Variants in MAL observed in about 807,000 individuals in gnomAD.
MAL encodes mal, T cell differentiation protein (MAL blood group), also known as myelin and lymphocyte protein.
In MAL, 5 loss-of-function variants were observed where a neutral mutation model predicts 16.7. The ratio of observed to expected loss-of-function variants is 0.30; its 90% CI spans 0.16 to 0.63. The LOEUF (loss-of-function observed/expected upper bound fraction) is 0.63. Ranked by LOEUF, MAL falls within the 30% of genes least tolerant of loss-of-function variation. The pLI, the probability that MAL is intolerant of heterozygous loss-of-function variation, is 0.82. For synonymous variants in MAL, 96 were observed against 85.5 expected, an observed-to-expected ratio of 1.12 and a Z score of -0.67; for missense variants, 202 against 195.8, an observed-to-expected ratio of 1.03 and a Z score of -0.19.
intron 1 of MAL, among the ~76,000 whole-genome samples, chr2:95,035,770 C>T (rs932875969): frequency 4.0e-5 from 6 of 151,392 alleles, no homozygotes; most frequent in Admixed American, 1.3e-4. Context: ...CCTGGGCTCA[C>T]GCCATTCTCC....
At chr2:95,039,990 C>G (rs1301069796) in intron 1 of MAL, among the ~76,000 whole-genome samples, 3 of 152,224 alleles carry the variant, frequency 2.0e-5, no homozygotes, top group Middle Eastern at 3.4e-3. Context: ...TTCCCCTGAC[C>G]TCCTGCTCTG....
intron 1 of MAL, among the ~76,000 whole-genome samples, chr2:95,046,969 G>A (rs573859473): frequency 5.5e-5 from 8 of 145,530 alleles, no homozygotes; most frequent in African/African-American, 1.8e-4. Context: ...AAGAAAGAAA[G>A]AAGAAAGAAA....
intron 1 of MAL, among the ~76,000 whole-genome samples, chr2:95,044,835 G>A (rs907176582): frequency 5.9e-5 from 9 of 152,212 alleles, no homozygotes; most frequent in Non-Finnish European, 7.3e-5. Flanking sequence ...GTGCACACAG[G>A]AGGCTGTGAC....
chr2:95,027,989 T>G (rs1673984546), intron 1 of MAL, among the ~76,000 whole-genome samples: 2 of 152,038 alleles, frequency 1.3e-5, no homozygotes, highest in Non-Finnish European at 2.9e-5. Context: ...CTTAACATCA[T>G]CAGGCATTAG....
At chr2:95,036,640 A>T (rs1367024145) in intron 1 of MAL, among the ~76,000 whole-genome samples, 2 of 152,286 alleles carry the variant, frequency 1.3e-5, no homozygotes, top group Non-Finnish European at 2.9e-5. Context: ...CAAGTGAGTG[A>T]GTCAGTGAGT....
At chr2:95,026,280 G>A (rs919351613) in intron 1 of MAL, 1 of 176,848 alleles carries the variant, frequency 5.7e-6, no homozygotes, top group African/African-American at 2.4e-5. Context: ...CTTTTACAAG[G>A]GAGAAGGTTT....
intron 3 of MAL, among the ~76,000 whole-genome samples, chr2:95,050,324 CAT>C (rs1159004682): frequency 6.6e-6 from 1 of 152,228 alleles, no homozygotes; most frequent in Non-Finnish European, 1.5e-5. Flanking sequence ...TGTTTCATCA[CAT>C]GTTTTTCAGA....
At chr2:95,039,688 G>A (rs1558659565) in intron 1 of MAL, among the ~76,000 whole-genome samples, 1 of 146,556 alleles carries the variant, frequency 6.8e-6, no homozygotes, top group African/African-American at 2.5e-5. Flanking sequence ...GAGTGACTGA[G>A]TGAGTGACTG....
rs569762432 is a variant in MAL at position 95,031,773 on chromosome 2, T to C, written c.93+5888T>C. 4.6e-5 allele frequency among the ~76,000 whole-genome samples: 7 copies of C among 152,368 alleles called. No individual in the cohort carries two copies. The South Asian group carries it at 1.4e-3, about 32-fold the overall frequency. On this transcript the variant is annotated intron_variant, in intron 1 of 3. Transcript: ENST00000309988. ...GGCTCCTGGCTCTGTCCCTTCTCTG[T>C]AGCTATTTAGAGAGGGCTACTGCCT...
chr2:95,043,167 G>A (rs1674509015), intron 1 of MAL, among the ~76,000 whole-genome samples: 1 of 152,204 alleles, frequency 6.6e-6, no homozygotes, highest in African/African-American at 2.4e-5. Context: ...CCTTTGGCCT[G>A]GTTAACCAGT....
At chr2:95,044,259 G>C (rs1029014799) in intron 1 of MAL, 5 of 152,220 alleles carry the variant, frequency 3.3e-5, no homozygotes, top group African/African-American at 9.6e-5. Context: ...TTGGAATGGG[G>C]GCAGGGAAGC....
intron 1 of MAL, among the ~76,000 whole-genome samples, chr2:95,035,474 C>G (rs1261059727): frequency 2.0e-5 from 3 of 152,106 alleles, no homozygotes; most frequent in African/African-American, 7.2e-5. Flanking sequence ...CATTCAGGAA[C>G]TAGTGACCAT....
chr2:95,036,911 G>T (rs1280101307), intron 1 of MAL, among the ~76,000 whole-genome samples: 1 of 152,016 alleles, frequency 6.6e-6, no homozygotes, highest in Non-Finnish European at 1.5e-5. Flanking sequence ...GTGACTGAGT[G>T]AGTGACTGAG....
chr2:95,049,446 G>A (rs768985570), intron 2 of MAL, 135 bp from the exon 3 acceptor site: 273 of 1,167,846 alleles, frequency 2.3e-4, no homozygotes, highest in Non-Finnish European at 2.9e-4. Context: ...TGGGACCTCC[G>A]TGACAAGGTT....
intron 1 of MAL, among the ~76,000 whole-genome samples, chr2:95,026,166 G>GT (rs1381157528): frequency 1.3e-5 from 2 of 152,194 alleles, no homozygotes; most frequent in Admixed American, 1.3e-4. Context: ...GGGGGGGACG[G>GT]CTCTTGGTTC....
At chr2:95,033,919 G>A (rs956766862) in intron 1 of MAL, among the ~76,000 whole-genome samples, 57 of 152,222 alleles carry the variant, frequency 3.7e-4, no homozygotes, top group Non-Finnish European at 7.5e-4. Context: ...GCAGGTAACT[G>A]TGCCTCAGTT....
intron 1 of MAL, among the ~76,000 whole-genome samples, chr2:95,030,900 TAA>T (rs1206140478): frequency 2.0e-5 from 3 of 152,124 alleles, no homozygotes; most frequent in Admixed American, 2.0e-4. Context: ...GGACTGTTAT[TAA>T]GAGTGACCAG....
At chr2:95,045,352 G>A (rs1674561508) in intron 1 of MAL, among the ~76,000 whole-genome samples, 1 of 152,146 alleles carries the variant, frequency 6.6e-6, no homozygotes, top group Non-Finnish European at 1.5e-5. Context: ...TTGGGGTTTG[G>A]TTCATAAGTG....
intron 1 of MAL, among the ~76,000 whole-genome samples, chr2:95,039,196 CTGAGTGAGTGACTGAGTGAGTGAG>C (rs1173420450): frequency 2.4e-4 from 19 of 79,046 alleles, no homozygotes; most frequent in African/African-American, 9.0e-4. Context: ...GAGTGAGTGA[CTGAGTGAGTGACTGAGTGAGTGAG>C]TGAGTGAGTG....
Sources: allele counts gnomAD v4.1 joint callset (sites outside exome capture counted in the v4.1 genomes callset), GRCh38; gene constraint gnomAD v4.1.1; transcripts MANE v1.5; gene names NCBI Gene and HGNC (gene_info 2026-07-23, HGNC 2026-07-21).